Variants in JMJD1C observed in about 807,000 individuals in gnomAD.
The protein encoded by JMJD1C is jumonji domain containing 1C.
A neutral mutation model predicts 245.3 loss-of-function variants in JMJD1C; 31 were observed. The observed-to-expected ratio is 0.13, with a 90% CI of 0.09 to 0.17. The LOEUF is 0.17. Ranked by LOEUF, JMJD1C falls within the 10% of genes least tolerant of loss-of-function variation. JMJD1C has a pLI of 1.00. For missense variants in JMJD1C, 2,691 were observed against 3,000.2 expected, an observed-to-expected ratio of 0.90 and a Z score of 2.41; for synonymous variants, 1,057 against 1,017.4, an observed-to-expected ratio of 1.04 and a Z score of -0.74.
intron 1 of JMJD1C, among the ~76,000 whole-genome samples, chr10:63,483,191 G>C (rs1174568775): frequency 1.3e-5 from 2 of 152,120 alleles, no homozygotes; most frequent in Non-Finnish European, 2.9e-5. Flanking sequence ...ACTAATTTTA[G>C]TTCCTCCATG....
rs35643037 is a variant in JMJD1C at position 63,411,601 on chromosome 10, A to ATT, written c.169-31121_169-31120dup. Reference sequence around the variant, plus strand: ...GGCGTGAGCCACCACACTCGGCCTGATTTTTTTTTTTTTTTTTTTGAGGCG... The same window carrying ATT: ...GGCGTGAGCCACCACACTCGGCCTGATTTTTTTTTTTTTTTTTTTTTGAGGCG... On this transcript the variant is annotated intron_variant, in intron 1 of 25. Transcript: ENST00000399262. Among the ~76,000 whole-genome samples, 1,094 of 120,006 alleles carry ATT rather than the reference A, an allele frequency of 9.1e-3. 10 individuals are homozygous for ATT. Among genetic ancestry groups the ATT allele is most frequent in the Middle Eastern group, 0.021 (4 of 192 alleles). The allele number at this position is 120,006 out of a possible 152,430, so 78.7% of individuals were successfully genotyped here.
intron 2 of JMJD1C, among the ~76,000 whole-genome samples, chr10:63,371,235 A>C (rs574091178): frequency 5.5e-4 from 83 of 151,202 alleles, no homozygotes; most frequent in Non-Finnish European, 5.8e-4. Context: ...TCCCGCCTCA[A>C]CCTCCCAAAG....
At position 63,374,178 on chromosome 10, in the gene JMJD1C, G is replaced by C. The variant is rs533649802; in HGVS notation, c.333+6140C>G. ...TAATATCTGTAATAATATAAAGAAA[G>C]CTCATAACAAATATAAAAAACTCAA... On this transcript the variant is annotated intron_variant, in intron 2 of 25. Transcript: ENST00000399262. Among the ~76,000 whole-genome samples, 106 of 152,004 alleles carry C rather than the reference G, an allele frequency of 7.0e-4. 1 individual carries two copies. The highest frequency in any genetic ancestry group is 1.7e-3 in the South Asian group (8 of 4,822).
chr10:63,425,858 A>T (rs1950408797), intron 1 of JMJD1C, among the ~76,000 whole-genome samples: 1 of 152,172 alleles, frequency 6.6e-6, no homozygotes, highest in African/African-American at 2.4e-5. Context: ...ATTCCCCTCA[A>T]CGGAAATATA....
At chr10:63,222,429 A>C in intron 3 of JMJD1C, 1 of 915,256 alleles carries the variant, frequency 1.1e-6, no homozygotes, top group East Asian at 2.4e-5. Context: ...CCTGATCTTT[A>C]CTTAAAGGAG....
At chr10:63,232,613 G>C (rs1850159599) in intron 3 of JMJD1C, among the ~76,000 whole-genome samples, 1 of 151,968 alleles carries the variant, frequency 6.6e-6, no homozygotes, top group African/African-American at 2.4e-5. Context: ...ATATTTCAGG[G>C]ATCTCTCCTT....
chr10:63,278,624 G>A (rs1165961335), intron 2 of JMJD1C, among the ~76,000 whole-genome samples: 3 of 151,826 alleles, frequency 2.0e-5, no homozygotes, highest in Non-Finnish European at 4.4e-5. Flanking sequence ...TTAGGAGGCC[G>A]AAGTCGGGAG....
At chr10:63,340,182 A>G (rs985865589) in intron 2 of JMJD1C, among the ~76,000 whole-genome samples, 2 of 152,216 alleles carry the variant, frequency 1.3e-5, no homozygotes, top group Admixed American at 1.3e-4. Flanking sequence ...TCATGTGACA[A>G]TTCACAGACA....
At chr10:63,320,230 T>G (rs1940681339) in intron 2 of JMJD1C, among the ~76,000 whole-genome samples, 1 of 152,218 alleles carries the variant, frequency 6.6e-6, no homozygotes, top group Non-Finnish European at 1.5e-5. Flanking sequence ...TATTATGTTT[T>G]TGATATTGAG....
At chr10:63,264,598 T>A in intron 3 of JMJD1C, 53 bp downstream of exon 3, 1 of 774,272 alleles carries the variant, frequency 1.3e-6, no homozygotes, top group East Asian at 2.7e-5. Flanking sequence ...TGTCTGAATA[T>A]CAATAAAGTT....
chr10:63,453,728 T>C (rs1341781702), intron 1 of JMJD1C, among the ~76,000 whole-genome samples: 2 of 152,082 alleles, frequency 1.3e-5, no homozygotes, highest in Admixed American at 6.5e-5. Context: ...GAAAAAGCAA[T>C]AGTTTTTTTT....
At chr10:63,362,682 T>A (rs897376438) in intron 2 of JMJD1C, among the ~76,000 whole-genome samples, 1 of 152,052 alleles carries the variant, frequency 6.6e-6, no homozygotes, top group African/African-American at 2.4e-5. Flanking sequence ...GGTTTCACTA[T>A]GTTACTTGGG....
intron 1 of JMJD1C, among the ~76,000 whole-genome samples, chr10:63,521,194 T>C (rs889947754): frequency 1.3e-5 from 2 of 152,112 alleles, no homozygotes; most frequent in East Asian, 3.9e-4. Flanking sequence ...AGCGAGGCCG[T>C]CCAGCGCGGG....
intron 2 of JMJD1C, among the ~76,000 whole-genome samples, chr10:63,299,033 C>G (rs1859775707): frequency 6.6e-6 from 1 of 151,416 alleles, no homozygotes; most frequent in African/African-American, 2.4e-5. Context: ...GCCTGGCCTT[C>G]ATTCTAATCT....
At chr10:63,185,784 T>C (rs895219347) in intron 19 of JMJD1C, 131 bp from the exon 20 acceptor site, 3 of 642,606 alleles carry the variant, frequency 4.7e-6, no homozygotes, top group African/African-American at 1.8e-5. Context: ...TGCTTGCTTA[T>C]TGACTTATTA....
intron 1 of JMJD1C, among the ~76,000 whole-genome samples, chr10:63,474,640 G>A (rs540869869): frequency 2.0e-5 from 3 of 151,940 alleles, no homozygotes; most frequent in Non-Finnish European, 2.9e-5. Context: ...TTGTAGAGAC[G>A]ACGGTCTCAC....
chr10:63,243,513 C>T (rs1851789980), intron 3 of JMJD1C, among the ~76,000 whole-genome samples: 1 of 152,024 alleles, frequency 6.6e-6, no homozygotes, highest in African/African-American at 2.4e-5. Context: ...GCAAGAAGAG[C>T]AAAATTCTGT....
rs1396013090 is a variant in JMJD1C, at chr10:63,200,556, T to G, written c.5196A>C (p.Arg1732=). 6.2e-7 allele frequency: 1 copy of G among 1,613,914 alleles called. No homozygotes were observed. Among genetic ancestry groups the G allele is most frequent in the African/African-American group, 1.3e-5 (1 of 74,920 alleles). ...TTTTACTGCGAATAAGTCTACATTC[T>G]CGACACTTTTGTAAATTAGGCCCTA... The part of the protein sequence containing the change: ...CEIGPNLQKC[R]ECRLIRSKKG... Residue 1732 remains arginine (R), a synonymous_variant, in exon 11 of 26, where the codon CGA becomes CGC. Transcript: ENST00000399262.
chr10:63,398,164 TTTC>T (rs890406473), intron 1 of JMJD1C, among the ~76,000 whole-genome samples: 39 of 152,284 alleles, frequency 2.6e-4, no homozygotes, highest in African/African-American at 9.4e-4. Context: ...GTTGTTTGTT[TTTC>T]TTGTTTTTAC....
Sources: allele counts gnomAD v4.1 joint callset (sites outside exome capture counted in the v4.1 genomes callset), GRCh38; gene constraint gnomAD v4.1.1; transcripts MANE v1.5; gene names NCBI Gene and HGNC (gene_info 2026-07-23, HGNC 2026-07-21).